Variants in MAP3K4 observed in about 807,000 individuals in gnomAD.
The protein encoded by MAP3K4 is MAP three kinase 1.
In MAP3K4, 67 loss-of-function variants were observed where a neutral mutation model predicts 185.6. The ratio of observed to expected loss-of-function variants is 0.36; its 90% CI spans 0.30 to 0.44. MAP3K4 has a LOEUF of 0.44. MAP3K4 is among the 20% of genes least tolerant of loss of function. MAP3K4 has a pLI of 1.00. For missense variants in MAP3K4, 1,551 were observed against 1,995.1 expected, an observed-to-expected ratio of 0.78 and a Z score of 4.24; for synonymous variants, 702 against 710.4, an observed-to-expected ratio of 0.99 and a Z score of 0.19.
At chr6:161,032,015 C>G (rs1782954075) in intron 1 of MAP3K4, among the ~76,000 whole-genome samples, 1 of 152,160 alleles carries the variant, frequency 6.6e-6, no homozygotes, top group African/African-American at 2.4e-5. Flanking sequence ...AACATTTATG[C>G]TATAGTTTCC....
At position 161,077,373 on chromosome 6, in the gene MAP3K4, A is replaced by G. The variant is rs1433875315; in HGVS notation, c.2098-3508A>G. Among the ~76,000 whole-genome samples the G allele has an allele frequency of 6.6e-6, 1 of 152,264 alleles. No individual in the cohort carries two copies. The highest frequency in any genetic ancestry group is 2.1e-4 in the South Asian group (1 of 4,834). Reference sequence around the variant, plus strand: ...TATGACAAAATACTAACATTTGTTTATTCTGGGTGATACTTGTAGAATACT... The same window carrying G: ...TATGACAAAATACTAACATTTGTTTGTTCTGGGTGATACTTGTAGAATACT... On this transcript the variant is annotated intron_variant, in intron 5 of 26. Coordinates refer to ENST00000392142, the MANE Select transcript of MAP3K4 (RefSeq NM_005922.4). This position sits in a 1 kb window ranked among gnomAD's most constrained non-coding sequence, Gnocchi z 4.3.
chr6:161,100,484 T>C lies in MAP3K4; in HGVS notation c.3675-1408T>C, dbSNP rs1777790279. 6.6e-6 allele frequency among the ~76,000 whole-genome samples: 1 copy of C among 152,240 alleles called. No homozygotes were observed. The highest frequency in any genetic ancestry group is 2.1e-4 in the South Asian group (1 of 4,834). ...CTTATCATCGTTTGTAAAAACACTT[T>C]GCAGTGGTGCTCTTGCTGAGGCTTG... On this transcript the variant is annotated intron_variant, in intron 17 of 26. Transcript: ENST00000392142. This position sits in a 1 kb window ranked among gnomAD's most constrained non-coding sequence, Gnocchi z 5.8.
Position 161,097,012 on chromosome 6 carries a change from CTGTT to C in MAP3K4, c.3428-65_3428-62del. 5 of 1,283,630 alleles carry C rather than the reference CTGTT, an allele frequency of 3.9e-6. No individual in the cohort carries two copies. Among genetic ancestry groups the C allele is most frequent in the Non-Finnish European group, 5.7e-6 (5 of 880,826 alleles). The allele number at this position is 1,283,630 out of a possible 1,614,324, so 79.5% of individuals were successfully genotyped here. On this transcript the variant is annotated intron_variant, in intron 15 of 26. Transcript: ENST00000392142. The surrounding 1 kb of genome is among the most constrained non-coding windows in gnomAD (Gnocchi z 4.9). The stretch of plus-strand genomic sequence containing the variant: ...AAGTGACATTCTATTTTCCATTTGA[CTGTT>C]TGGTTTGATGATTTTCTGTGGACCA...
At position 161,067,479 on chromosome 6, in the gene MAP3K4, A is replaced by T. The variant is rs1228782294; in HGVS notation, c.1708-3129A>T. ...GATTTGTTTTCCTTTCACAACCCTG[A>T]CCACATTTATTACAAGTAATTATTT... On this transcript the variant is annotated intron_variant, in intron 3 of 26. Transcript: ENST00000392142. The surrounding 1 kb of genome is among the most constrained non-coding windows in gnomAD (Gnocchi z 6.3). 6.6e-6 allele frequency among the ~76,000 whole-genome samples: 1 copy of T among 152,170 alleles called. No homozygotes were observed. Among genetic ancestry groups the T allele is most frequent in the Non-Finnish European group, 1.5e-5 (1 of 68,040 alleles).
At chr6:161,060,345 A>G (rs915839011) in intron 3 of MAP3K4, among the ~76,000 whole-genome samples, 2 of 152,180 alleles carry the variant, frequency 1.3e-5, no homozygotes, top group African/African-American at 4.8e-5. Context: ...TGGTTTATTG[A>G]TGACTAATTA....
rs575526698 is a variant in MAP3K4, at chr6:161,116,937, C to T, written c.*67C>T. On this transcript the variant is annotated 3_prime_UTR_variant, in exon 27 of 27. Coordinates refer to ENST00000392142, the MANE Select transcript of MAP3K4 (RefSeq NM_005922.4). The surrounding 1 kb of genome is among the most constrained non-coding windows in gnomAD (Gnocchi z 6.2). ...ACTGTATGTAATATTTACATAAAGA[C>T]TGTGCTGAGAAGCAGTATAAGCCTT... The T allele has an allele frequency of 1.2e-5, 18 of 1,450,982 alleles. No homozygotes were observed. The East Asian group carries it at 4.1e-4, about 33-fold the overall frequency. The allele number at this position is 1,450,982 out of a possible 1,614,324, so 89.9% of individuals were successfully genotyped here. A position where few individuals can be genotyped will look rare whatever the true frequency, so the allele number is the denominator to read the frequency against.
rs1213692608 is a variant in MAP3K4, at chr6:161,063,503, C to T, written c.1708-7105C>T. 6.6e-6 allele frequency among the ~76,000 whole-genome samples: 1 copy of T among 152,058 alleles called. No homozygotes were observed. The highest frequency in any genetic ancestry group is 1.5e-5 in the Non-Finnish European group (1 of 68,018). ...TGTTTGGGATTGGGGCTCTGAGTAC[C>T]TTCTTCTCAAGTTTCAAACCATCTT... On this transcript the variant is annotated intron_variant, in intron 3 of 26. Transcript: ENST00000392142. This position sits in a 1 kb window ranked among gnomAD's most constrained non-coding sequence, Gnocchi z 5.4.
At chr6:160,992,257 G>T in intron 1 of MAP3K4, 174 bp downstream of exon 1, 2 of 886,194 alleles carry the variant, frequency 2.3e-6, no homozygotes, top group Non-Finnish European at 3.2e-6. Flanking sequence ...GACCGCGTCT[G>T]AGTCTGTCCG....
chr6:160,992,017 C>T lies in MAP3K4; in HGVS notation c.86C>T (p.Pro29Leu), dbSNP rs1479044178. 1.9e-6 allele frequency: 3 copies of T among 1,553,212 alleles called. No homozygotes were observed. The highest frequency in any genetic ancestry group is 1.9e-5 in the Admixed American group (1 of 53,738). The change falls in exon 1 of 27, where the codon CCG becomes CTG. Residue 29 changes from proline to leucine, a missense_variant. Pro to Leu is a moderately conservative substitution (Grantham distance 98). Transcript: ENST00000392142. ...AAAMEEPPPP[P>L]PPPPPPPEPE... is the part of the protein sequence containing the mutation. ...GCCATGGAGGAGCCGCCGCCACCGC[C>T]GCCGCCGCCACCACCGCCACCGGAA... is the stretch of plus-strand genomic sequence containing the variant.
In MAP3K4 at chr6:160,996,096, C is replaced by T. The variant is rs1780977124; in HGVS notation, c.152+4013C>T. Reference sequence around the variant, plus strand: ...TCTCGGCTTGAATGTCCACCTTGAGCCTGTGTGTTTCAGTCTTGACCTTGT... The same window carrying T: ...TCTCGGCTTGAATGTCCACCTTGAGTCTGTGTGTTTCAGTCTTGACCTTGT... On this transcript the variant is annotated intron_variant, in intron 1 of 26. Coordinates refer to ENST00000392142, the MANE Select transcript of MAP3K4 (RefSeq NM_005922.4). The surrounding 1 kb of genome is among the most constrained non-coding windows in gnomAD (Gnocchi z 4.5). 1.3e-5 allele frequency among the ~76,000 whole-genome samples: 2 copies of T among 151,796 alleles called. No individual in the cohort carries two copies. The highest frequency in any genetic ancestry group is 4.2e-4 in the South Asian group (2 of 4,816).
At position 161,101,617 on chromosome 6, in the gene MAP3K4, C is replaced by A; in HGVS notation, c.3675-275C>A. 3.8e-6 allele frequency: 1 copy of A among 264,910 alleles called. No homozygotes were observed. The highest frequency in any genetic ancestry group is 9.6e-5 in the South Asian group (1 of 10,390). The allele number at this position is 264,910 out of a possible 1,614,324, so 16.4% of individuals were successfully genotyped here. On this transcript the variant is annotated intron_variant, in intron 17 of 26. Transcript: ENST00000392142. This position sits in a 1 kb window ranked among gnomAD's most constrained non-coding sequence, Gnocchi z 5.1. ...ATGAAAATGGAGCCCTCCTTCCAGA[C>A]TCTAGAGCTCTAACAGACTCCAGAG...
chr6:161,006,474 C>G (rs567239373), intron 1 of MAP3K4, among the ~76,000 whole-genome samples: 1 of 152,198 alleles, frequency 6.6e-6, no homozygotes, highest in African/African-American at 2.4e-5. Context: ...TATAACTAAT[C>G]TAGAAATAAA....
intron 1 of MAP3K4, chr6:160,992,312 G>C (rs1433251463): frequency 3.6e-6 from 2 of 556,890 alleles, no homozygotes; most frequent in East Asian, 3.5e-5. Flanking sequence ...CCGCTCGAGC[G>C]TGTTGCCGGC....
chr6:160,994,084 G>C (rs2115026934), intron 1 of MAP3K4, among the ~76,000 whole-genome samples: 1 of 151,428 alleles, frequency 6.6e-6, no homozygotes, highest in South Asian at 2.1e-4. Context: ...TTTTAGAGGA[G>C]CTCAGTGTAC....
At chr6:161,033,926 G>A (rs1173137750) in intron 1 of MAP3K4, among the ~76,000 whole-genome samples, 2 of 152,098 alleles carry the variant, frequency 1.3e-5, no homozygotes, top group Non-Finnish European at 2.9e-5. Flanking sequence ...CTAGTCCTTC[G>A]CTGGTTTTTC....
chr6:161,083,212 A>C (rs1449311122), intron 6 of MAP3K4, among the ~76,000 whole-genome samples: 1 of 152,094 alleles, frequency 6.6e-6, no homozygotes, highest in Non-Finnish European at 1.5e-5. Flanking sequence ...CGGTATATTT[A>C]AGATGGAAAT....
chr6:161,098,526 TC>T lies in MAP3K4; in HGVS notation c.3674+100del. The T allele has an allele frequency of 7.0e-7, 1 of 1,426,638 alleles. No homozygotes were observed. Among genetic ancestry groups the T allele is most frequent in the Non-Finnish European group, 9.4e-7 (1 of 1,065,658 alleles). The allele number at this position is 1,426,638 out of a possible 1,614,324, so 88.4% of individuals were successfully genotyped here. Reference sequence around the variant, plus strand: ...GGTGTGTGCCGGCTGTGGTTGGGCTTCTTTGCTGTGGCGTGTGAGTGATGCT... The same window carrying T: ...GGTGTGTGCCGGCTGTGGTTGGGCTTTTTGCTGTGGCGTGTGAGTGATGCT... On this transcript the variant is annotated intron_variant, in intron 17 of 26. Transcript: ENST00000392142. The surrounding 1 kb of genome is among the most constrained non-coding windows in gnomAD (Gnocchi z 4.4).
chr6:161,001,039 AAT>A (rs1444592382), intron 1 of MAP3K4, among the ~76,000 whole-genome samples: 4 of 36,734 alleles, frequency 1.1e-4, no homozygotes, highest in African/African-American at 5.5e-4. Context: ...TATATATTAT[AAT>A]ATACACATAT....
In MAP3K4 at chr6:161,022,023, A is replaced by G. The variant is rs896065257; in HGVS notation, c.153-12236A>G. Reference sequence around the variant, plus strand: ...CATCCCTTATAGAATCCTGTTTTCAATGAAAAAGAAAAAAGAAGAGTTGTT... The same window carrying G: ...CATCCCTTATAGAATCCTGTTTTCAGTGAAAAAGAAAAAAGAAGAGTTGTT... On this transcript the variant is annotated intron_variant, in intron 1 of 26. Transcript: ENST00000392142. This position sits in a 1 kb window ranked among gnomAD's most constrained non-coding sequence, Gnocchi z 4.2. Among the ~76,000 whole-genome samples, 1 of 152,330 alleles carries G rather than the reference A, an allele frequency of 6.6e-6. No homozygotes were observed.
Sources: gnomAD v4.1 joint callset for allele counts (sites outside exome capture counted in the v4.1 genomes callset) on GRCh38, gnomAD v4.1.1 for gene constraint, Gnocchi (gnomAD v3.1) non-coding constraint, MANE v1.5 for transcripts, NCBI Gene and HGNC (gene_info 2026-07-23, HGNC 2026-07-21) for gene names.